Variants in LUZP2 observed in about 807,000 individuals in gnomAD.
LUZP2 encodes the protein leucine zipper protein 2.
LUZP2 carries 52 observed loss-of-function variants against 51.6 expected under a neutral mutation model. The observed-to-expected ratio is 1.01, with a 90% CI of 0.81 to 1.27. The LOEUF is 1.27. LUZP2 is among the 50% of genes most tolerant of loss of function. The pLI, the probability that LUZP2 is intolerant of heterozygous loss-of-function variation, is 0.00. For synonymous variants in LUZP2, 154 were observed against 137.3 expected, an observed-to-expected ratio of 1.12 and a Z score of -0.85; for missense variants, 436 against 395.4, an observed-to-expected ratio of 1.10 and a Z score of -0.87.
chr11:24,671,385 T>C (rs1208023739), intron 1 of LUZP2, among the ~76,000 whole-genome samples: 1 of 152,156 alleles, frequency 6.6e-6, no homozygotes, highest in Non-Finnish European at 1.5e-5. Context: ...TATATTAACA[T>C]CTAAATTTTG....
intron 1 of LUZP2, among the ~76,000 whole-genome samples, chr11:24,566,747 T>C (rs1238332170): frequency 1.4e-5 from 2 of 146,608 alleles, no homozygotes; most frequent in Non-Finnish European, 3.0e-5. Context: ...ATATATAATG[T>C]ATGTATACAT....
At chr11:24,612,175 C>T (rs1854145842) in intron 1 of LUZP2, among the ~76,000 whole-genome samples, 1 of 152,004 alleles carries the variant, frequency 6.6e-6, no homozygotes, top group Admixed American at 6.6e-5. Flanking sequence ...ATTTGGATGG[C>T]ACAGGGTTAA....
chr11:24,963,001 G>T (rs1359728614), intron 7 of LUZP2, among the ~76,000 whole-genome samples: 1 of 152,216 alleles, frequency 6.6e-6, no homozygotes, highest in East Asian at 1.9e-4. Flanking sequence ...TCAGCTGCAG[G>T]TCTGTTGGAG....
intron 10 of LUZP2, among the ~76,000 whole-genome samples, chr11:25,076,413 A>T (rs895375502): frequency 1.3e-5 from 2 of 152,176 alleles, no homozygotes; most frequent in Non-Finnish European, 2.9e-5. Context: ...GAAATATAAC[A>T]AACGCACACA....
intron 5 of LUZP2, among the ~76,000 whole-genome samples, chr11:24,879,061 G>A (rs1852368842): frequency 6.6e-6 from 1 of 151,918 alleles, no homozygotes; most frequent in Admixed American, 6.6e-5. Flanking sequence ...CCGGCTCCTG[G>A]GTTCACACCA....
chr11:24,566,481 A>C (rs1298204110), intron 1 of LUZP2, among the ~76,000 whole-genome samples: 2 of 149,212 alleles, frequency 1.3e-5, no homozygotes, highest in Admixed American at 1.3e-4. Flanking sequence ...GGCACGTGCC[A>C]CCATGCCCAG....
intron 1 of LUZP2, among the ~76,000 whole-genome samples, chr11:24,692,213 T>C (rs1481423735): frequency 6.6e-6 from 1 of 151,932 alleles, no homozygotes. Flanking sequence ...AGTTTTGTTG[T>C]GAAGAAGTAA....
intron 5 of LUZP2, among the ~76,000 whole-genome samples, chr11:24,838,215 C>G (rs1251415620): frequency 6.6e-6 from 1 of 151,642 alleles, no homozygotes; most frequent in Non-Finnish European, 1.5e-5. Context: ...ACTGGCTTTA[C>G]TGTAAATAAA....
chr11:24,497,276 T>C lies in LUZP2; in HGVS notation c.33T>C (p.Pro11=). 6.4e-7 allele frequency: 1 copy of C among 1,566,748 alleles called. No individual in the cohort carries two copies. Among genetic ancestry groups the C allele is most frequent in the Non-Finnish European group, 8.7e-7 (1 of 1,154,908 alleles). ...TCAGCCCAGCGCACTACCTGCTGCC[T>C]CTCCTGCCTGCGCTGGTCCTCAGCA... The part of the protein sequence containing the change: MKFSPAHYLL[P]LLPALVLSTR... Residue 11 remains proline (P), a synonymous_variant, in exon 1 of 12, where the codon CCT becomes CCC. Transcript: ENST00000336930.
chr11:24,602,245 T>TATATGTACATACATATATACACAC (rs1565020985), intron 1 of LUZP2, among the ~76,000 whole-genome samples: 4 of 79,084 alleles, frequency 5.1e-5, no homozygotes, highest in Non-Finnish European at 8.4e-5. Context: ...TGTATATATG[T>TATATGTACATACATATATACACAC]ATATATATGC....
At chr11:24,632,336 A>G (rs1854926382) in intron 1 of LUZP2, among the ~76,000 whole-genome samples, 1 of 151,966 alleles carries the variant, frequency 6.6e-6, no homozygotes, top group Non-Finnish European at 1.5e-5. Context: ...TCCAATATGT[A>G]TTTTTTACAC....
intron 9 of LUZP2, among the ~76,000 whole-genome samples, chr11:25,014,750 T>G (rs1857095972): frequency 6.6e-6 from 1 of 152,172 alleles, no homozygotes; most frequent in African/African-American, 2.4e-5. Flanking sequence ...AGCTCTTTAG[T>G]TTAATTAGAT....
intron 10 of LUZP2, among the ~76,000 whole-genome samples, chr11:25,071,243 A>G (rs1278027301): frequency 2.0e-5 from 3 of 152,018 alleles, no homozygotes; most frequent in Admixed American, 6.6e-5. Flanking sequence ...TCTGTAATTT[A>G]TTTCACATAT....
intron 6 of LUZP2, among the ~76,000 whole-genome samples, chr11:24,912,037 CAG>C (rs1180348112): frequency 1.3e-5 from 2 of 152,122 alleles, no homozygotes; most frequent in East Asian, 3.9e-4. Context: ...CTGCTTTGTA[CAG>C]AGTTAAGTGA....
intron 5 of LUZP2, among the ~76,000 whole-genome samples, chr11:24,865,323 C>G (rs540125413): frequency 2.4e-4 from 36 of 152,224 alleles, no homozygotes; most frequent in Admixed American, 2.2e-3. Flanking sequence ...ATACTATTGC[C>G]TCAGTTTTCT....
At chr11:24,787,188 A>G (rs1425528604) in intron 5 of LUZP2, among the ~76,000 whole-genome samples, 3 of 152,158 alleles carry the variant, frequency 2.0e-5, no homozygotes, top group African/African-American at 2.4e-5. Context: ...GCTTATTTAA[A>G]TGTTTCAAAT....
chr11:24,801,366 G>A (rs190292689), intron 5 of LUZP2, among the ~76,000 whole-genome samples: 6 of 152,024 alleles, frequency 3.9e-5, no homozygotes, highest in African/African-American at 1.4e-4. Context: ...TTTTCCAGTG[G>A]TCACATGTTC....
chr11:24,717,713 C>A lies in LUZP2; in HGVS notation c.63-11456C>A, dbSNP rs773642123. On this transcript the variant is annotated intron_variant, in intron 1 of 11. Coordinates refer to ENST00000336930, the MANE Select transcript of LUZP2 (RefSeq NM_001009909.4). ...TACAGGCGTGAGCCACCGCGCCCGG[C>A]CCCCAATAGTTATCTCTTCTATTCC... Among the ~76,000 whole-genome samples the A allele has an allele frequency of 3.3e-5, 5 of 152,078 alleles. No homozygotes were observed. The South Asian group carries it at 1.0e-3, about 32-fold the overall frequency.
chr11:24,692,325 C>A (rs1456170636), intron 1 of LUZP2, among the ~76,000 whole-genome samples: 2 of 151,986 alleles, frequency 1.3e-5, no homozygotes, highest in Admixed American at 6.6e-5. Context: ...TACGTTCCTG[C>A]AACTTACTAA....
Sources: allele counts gnomAD v4.1 joint callset (sites outside exome capture counted in the v4.1 genomes callset), GRCh38; gene constraint gnomAD v4.1.1; transcripts MANE v1.5; gene names NCBI Gene and HGNC (gene_info 2026-07-23, HGNC 2026-07-21).